Variants in SYTL2 observed in about 807,000 individuals in gnomAD.
The protein encoded by SYTL2 is synaptotagmin-like protein 2.
Under a neutral mutation model 198.7 loss-of-function variants are expected in SYTL2, and 165 were observed. The ratio of observed to expected loss-of-function variants is 0.83; its 90% CI spans 0.73 to 0.94. The LOEUF (loss-of-function observed/expected upper bound fraction) is 0.94, where lower values mean the gene tolerates loss of function less well. SYTL2 is among the 40% of genes least tolerant of loss of function. The probability of loss-of-function intolerance (pLI) is 0.00; values close to 1 mark genes in which losing one functional copy is unlikely to be tolerated. For synonymous variants in SYTL2, 966 were observed against 917.7 expected, an observed-to-expected ratio of 1.05 and a Z score of -0.95; for missense variants, 2,835 against 2,582.8, an observed-to-expected ratio of 1.10 and a Z score of -2.12.
In SYTL2 at chr11:85,695,333, A is replaced by T. The variant is rs777600229; in HGVS notation, c.6582T>A (p.Ser2194Arg). The change falls in exon 20 of 20, where the codon AGT becomes AGA. Residue 2194 changes from serine to arginine, a missense_variant. Around this residue, in one of 3 missense-constraint regions of SYTL2, gnomAD observed 185 missense variants for 182.1 expected, o/e 1.02. Transcript: ENST00000359152. ...GLRIGFGTGK[S>R]YGTEVDWMDS... is the part of the protein sequence containing the mutation. ...CCATCCAGTCCACTTCAGTCCCATA[A>T]CTTTTACCTGAAAAAAGGAAGCTTT... 5 of 1,545,690 alleles carry T rather than the reference A, an allele frequency of 3.2e-6. No homozygotes were observed. The East Asian group carries it at 1.2e-4, about 36-fold the overall frequency.
chr11:85,751,490 A>G (rs2091507864), intron 2 of SYTL2, among the ~76,000 whole-genome samples: 1 of 152,178 alleles, frequency 6.6e-6, no homozygotes, highest in Non-Finnish European at 1.5e-5. Flanking sequence ...TGGGACTGAC[A>G]TTTATCCTTT....
intron 3 of SYTL2, among the ~76,000 whole-genome samples, chr11:85,747,365 C>T (rs917784690): frequency 6.6e-6 from 1 of 152,046 alleles, no homozygotes; most frequent in South Asian, 2.1e-4. Flanking sequence ...TCCCTGGCCA[C>T]AGAAACCATG....
chr11:85,791,985 A>G (rs1382503022), intron 1 of SYTL2, among the ~76,000 whole-genome samples: 1 of 152,146 alleles, frequency 6.6e-6, no homozygotes, highest in Non-Finnish European at 1.5e-5. Context: ...CATCTAGCTG[A>G]GAAAACTGAA....
rs139306296 is a variant in SYTL2, at chr11:85,792,481, A to T, written c.-390+18473T>A. On this transcript the variant is annotated intron_variant, in intron 1 of 19. Transcript: ENST00000359152. ...ATGAAATGTGTCACTCTGAAGTTGC[A>T]GAAAGTTATTTTTTCTTCTTCAAAC... Among the ~76,000 whole-genome samples, 75 of 152,168 alleles carry T rather than the reference A, an allele frequency of 4.9e-4. 3 individuals are homozygous for T. Among genetic ancestry groups the T allele is most frequent in the African/African-American group, 1.6e-3 (68 of 41,422 alleles).
intron 1 of SYTL2, among the ~76,000 whole-genome samples, chr11:85,789,686 T>G (rs1446712924): frequency 6.6e-6 from 1 of 151,990 alleles, no homozygotes; most frequent in East Asian, 1.9e-4. Flanking sequence ...ATCTTATGAG[T>G]GATGCACATA....
chr11:85,825,960 G>A, the SYTL2 span, among the ~76,000 whole-genome samples: 2 of 152,216 alleles, frequency 1.3e-5, no homozygotes, highest in Non-Finnish European at 2.9e-5. Flanking sequence ...CATAGCAACT[G>A]CCACGGAGAG....
At chr11:85,751,838 A>G (rs1205056327) in intron 2 of SYTL2, among the ~76,000 whole-genome samples, 1 of 152,244 alleles carries the variant, frequency 6.6e-6, no homozygotes, top group African/African-American at 2.4e-5. Flanking sequence ...TCTGTATGCT[A>G]AAAGCCATAT....
chr11:85,727,566 T>C lies in SYTL2; in HGVS notation c.1792A>G (p.Met598Val), dbSNP rs1477410412. The C allele has an allele frequency of 4.6e-6, 7 of 1,536,006 alleles. No homozygotes were observed. The South Asian group carries it at 5.9e-5, about 13-fold the overall frequency. ...TCTTGGCAACTTTCAGAAACCAGCA[T>C]ATCTCCCTCTGCTTGGAATGGTGAG... ...SDSPFQAEGD[M>V]LVSESCQDNN... The change falls in exon 8 of 20, where the codon ATG becomes GTG. Residue 598 changes from methionine (M) to valine (V), a missense_variant. Transcript: ENST00000359152.
chr11:85,761,288 A>C (rs2092089128), intron 1 of SYTL2, among the ~76,000 whole-genome samples: 1 of 152,236 alleles, frequency 6.6e-6, no homozygotes, highest in South Asian at 2.1e-4. Flanking sequence ...TAGGAATTTT[A>C]AAGAGAGTGG....
upstream of SYTL2, among the ~76,000 whole-genome samples, chr11:85,815,394 T>C (rs1044396818): frequency 6.6e-6 from 1 of 152,250 alleles, no homozygotes; most frequent in African/African-American, 2.4e-5. Context: ...AATTTAGTCA[T>C]GGTACTGAGT....
chr11:85,833,289 C>CAGCATTAT, the SYTL2 span, among the ~76,000 whole-genome samples: 2 of 147,800 alleles, frequency 1.4e-5, no homozygotes, highest in East Asian at 4.0e-4. Flanking sequence ...TATTTGGGTA[C>CAGCATTAT]ATCATTATAT....
the SYTL2 span, among the ~76,000 whole-genome samples, chr11:85,817,222 G>A: frequency 4.6e-5 from 7 of 152,100 alleles, no homozygotes; most frequent in East Asian, 1.9e-4. Context: ...GACTAAATTC[G>A]TGTATACCCA....
chr11:85,713,780 T>C (rs539986398), intron 12 of SYTL2, among the ~76,000 whole-genome samples: 1 of 152,210 alleles, frequency 6.6e-6, no homozygotes, highest in Non-Finnish European at 1.5e-5. Flanking sequence ...ATTATAGTCA[T>C]GTGCTTTCTT....
At chr11:85,819,809 A>G in the SYTL2 span, among the ~76,000 whole-genome samples, 1 of 152,244 alleles carries the variant, frequency 6.6e-6, no homozygotes. Context: ...TCTTCTACTT[A>G]CATGCTTTGT....
intron 15 of SYTL2, among the ~76,000 whole-genome samples, chr11:85,705,789 A>T (rs1272821420): frequency 6.6e-6 from 1 of 152,238 alleles, no homozygotes; most frequent in African/African-American, 2.4e-5. Context: ...CATTTAAATT[A>T]TCTGGCTTTT....
the SYTL2 span, among the ~76,000 whole-genome samples, chr11:85,842,804 G>A: frequency 5.3e-5 from 8 of 152,194 alleles, no homozygotes; most frequent in Non-Finnish European, 1.0e-4. Context: ...AGACAGGAAT[G>A]AATTCAGGAT....
the SYTL2 span, among the ~76,000 whole-genome samples, chr11:85,848,102 T>G: frequency 1.1e-3 from 162 of 152,128 alleles, 3 homozygotes; most frequent in East Asian, 0.026. Context: ...CAGTTGAGCA[T>G]GGTGGCACGT....
intron 11 of SYTL2, among the ~76,000 whole-genome samples, chr11:85,716,014 C>T (rs2087174505): frequency 6.6e-6 from 1 of 152,202 alleles, no homozygotes; most frequent in Admixed American, 6.5e-5. Context: ...AGTGAAAAGG[C>T]ACTAACAGTC....
chr11:85,845,460 T>C, the SYTL2 span, among the ~76,000 whole-genome samples: 3 of 152,182 alleles, frequency 2.0e-5, no homozygotes, highest in African/African-American at 4.8e-5. Flanking sequence ...ACAAAACTAA[T>C]TAGTTTAAAA....
Sources: gnomAD v4.1 joint callset for allele counts (sites outside exome capture counted in the v4.1 genomes callset) on GRCh38, gnomAD v4.1.1 for gene constraint, gnomAD v4.1.1 regional missense constraint, MANE v1.5 for transcripts, NCBI Gene and HGNC (gene_info 2026-07-23, HGNC 2026-07-21) for gene names.